EPS8: variants seen among roughly 807,000 people sequenced by gnomAD.
EPS8 encodes the protein EGFR pathway substrate 8, signaling adaptor, also known as epidermal growth factor receptor kinase substrate 8.
A neutral mutation model predicts 103.8 loss-of-function variants in EPS8; 42 were observed. That is an observed-to-expected ratio of 0.40 (90% CI 0.32 to 0.52). The LOEUF is 0.52. Ranked by LOEUF, EPS8 falls within the 20% of genes least tolerant of loss-of-function variation. The pLI, the probability that EPS8 is intolerant of heterozygous loss-of-function variation, is 0.40. For missense variants in EPS8, 969 were observed against 1,005.1 expected (o/e 0.96, Z 0.49); for synonymous variants, 344 against 344.6 (o/e 1.00, Z 0.02).
intron 7 of EPS8, among the ~76,000 whole-genome samples, 172 bp from the exon 8 acceptor site, chr12:15,666,064 A>G (rs1945703763): frequency 6.6e-6 from 1 of 152,260 alleles, no homozygotes; most frequent in East Asian, 1.9e-4. Flanking sequence ...ATGAAATAAA[A>G]AAATTAATAG....
At chr12:15,635,016 T>C (rs1311489265) in intron 17 of EPS8, among the ~76,000 whole-genome samples, 1 of 152,282 alleles carries the variant, frequency 6.6e-6, no homozygotes, top group Non-Finnish European at 1.5e-5. Context: ...CAACAGTAAC[T>C]ATTTGTATAT....
At chr12:15,703,020 G>A (rs1591874888) in intron 1 of EPS8, among the ~76,000 whole-genome samples, 1 of 152,150 alleles carries the variant, frequency 6.6e-6, no homozygotes, top group South Asian at 2.1e-4. Flanking sequence ...GCAGTGGCGT[G>A]TGCCTGTAGT....
chr12:15,724,297 C>A (rs1337834692), intron 1 of EPS8, among the ~76,000 whole-genome samples: 1 of 152,074 alleles, frequency 6.6e-6, no homozygotes, highest in Non-Finnish European at 1.5e-5. Context: ...TAAAGTTTAT[C>A]AAAGTTTTAT....
intron 1 of EPS8, among the ~76,000 whole-genome samples, chr12:15,703,174 TAAAG>T (rs1565508466): frequency 2.0e-5 from 3 of 152,054 alleles, no homozygotes; most frequent in African/African-American, 7.2e-5. Context: ...TAAAAATAAA[TAAAG>T]AAAAATAAGT....
intron 13 of EPS8, among the ~76,000 whole-genome samples, chr12:15,653,401 T>TA: frequency 6.6e-6 from 1 of 151,584 alleles, no homozygotes; most frequent in South Asian, 2.1e-4. Context: ...CATCTCTATA[T>TA]GCTCATCTCT....
chr12:15,633,542 C>T (rs556650734), intron 17 of EPS8, among the ~76,000 whole-genome samples: 2 of 152,166 alleles, frequency 1.3e-5, no homozygotes, highest in Non-Finnish European at 2.9e-5. Flanking sequence ...GTTACTGTCA[C>T]AATCAAGCCT....
Position 15,706,804 on chromosome 12 carries a change from C to G in EPS8, c.-21-23832G>C, listed in dbSNP as rs759876982. ...TTTTGTAATAAAATGACACAATTCT[C>G]CAACCTACTCTATTGTCTATGTGTA... On this transcript the variant is annotated intron_variant, in intron 1 of 20. Coordinates refer to ENST00000281172, the MANE Select transcript of EPS8 (RefSeq NM_004447.6). The surrounding 1 kb of genome is among the most constrained non-coding windows in gnomAD (Gnocchi z 5.2). Among the ~76,000 whole-genome samples the G allele has an allele frequency of 6.6e-6, 1 of 152,114 alleles. No individual in the cohort carries two copies. Among genetic ancestry groups the G allele is most frequent in the Non-Finnish European group, 1.5e-5 (1 of 68,024 alleles).
chr12:15,663,947 T>A (rs868646700), intron 8 of EPS8, among the ~76,000 whole-genome samples: 29 of 5,416 alleles, frequency 5.4e-3, no homozygotes, highest in African/African-American at 0.012. Flanking sequence ...AAAAAAAAAA[T>A]AATATATATA....
intron 1 of EPS8, among the ~76,000 whole-genome samples, chr12:15,741,377 G>A (rs1946821019): frequency 6.6e-6 from 1 of 152,120 alleles, no homozygotes; most frequent in African/African-American, 2.4e-5. Context: ...CACTTTAGGT[G>A]GGTGACTCAG....
chr12:15,643,649 G>GA (rs1225927273), intron 15 of EPS8, among the ~76,000 whole-genome samples: 1 of 148,466 alleles, frequency 6.7e-6, no homozygotes, highest in Admixed American at 6.9e-5. Context: ...TGAGGTGGCA[G>GA]AATCGCTTGA....
In EPS8 at chr12:15,706,584, A is replaced by G. The variant is rs1374549737; in HGVS notation, c.-21-23612T>C. Among the ~76,000 whole-genome samples the G allele has an allele frequency of 6.6e-6, 1 of 152,220 alleles. No homozygotes were observed. Among genetic ancestry groups the G allele is most frequent in the Admixed American group, 6.5e-5 (1 of 15,292 alleles). On this transcript the variant is annotated intron_variant, in intron 1 of 20. Transcript: ENST00000281172. The surrounding 1 kb of genome is among the most constrained non-coding windows in gnomAD (Gnocchi z 5.2). ...TTTGCTTAATATCTGCATTTCAAAA[A>G]TAAAGTACTAGCTGGTATACTTTCT...
chr12:15,734,006 A>AT lies in EPS8; in HGVS notation c.-21-51035dup, dbSNP rs559938800. ...CCCAAGTCAGTGAGACCCTCAGCTA[A>AT]TTTTTGTATTTTTTGTAGAGAAAGG... On this transcript the variant is annotated intron_variant, in intron 1 of 20. Transcript: ENST00000281172. This position sits in a 1 kb window ranked among gnomAD's most constrained non-coding sequence, Gnocchi z 4.1. 2.6e-5 allele frequency among the ~76,000 whole-genome samples: 4 copies of AT among 151,944 alleles called. No individual in the cohort carries two copies. In the South Asian group the frequency reaches 8.3e-4, roughly 32 times the overall value.
rs1379252608 is a variant in EPS8 at position 15,624,376 on chromosome 12, A to G, written c.2076T>C (p.Asp692=). The G allele has an allele frequency of 1.3e-6, 2 of 1,579,750 alleles. No homozygotes were observed. Among genetic ancestry groups the G allele is most frequent in the African/African-American group, 2.7e-5 (2 of 74,048 alleles). ...CAATGGTCAGTCTGTGGATGAGTTC[A>G]TCTTGCACTTCCTCCATCTGAGATT... The part of the protein sequence containing the change: ...RRKSQMEEVQ[D]ELIHRLTIGR... The change falls in exon 19 of 21, where the codon GAT becomes GAC. Residue 692 remains aspartate (D), a synonymous_variant. Transcript: ENST00000281172.
At chr12:15,673,619 G>T (rs1371638415) in intron 3 of EPS8, among the ~76,000 whole-genome samples, 1 of 152,124 alleles carries the variant, frequency 6.6e-6, no homozygotes, top group Non-Finnish European at 1.5e-5. Flanking sequence ...TTGGCTGCAT[G>T]TTGGAATGAA....
chr12:15,671,911 G>A (rs1482911217), intron 3 of EPS8: 1 of 152,052 alleles, frequency 6.6e-6, no homozygotes, highest in African/African-American at 2.4e-5. Context: ...ACTCTGAGAG[G>A]GAATTATAAG....
rs1368166264 is a variant in EPS8 at position 15,721,671 on chromosome 12, C to A, written c.-21-38699G>T. Among the ~76,000 whole-genome samples, 1 of 152,062 alleles carries A rather than the reference C, an allele frequency of 6.6e-6. No individual in the cohort carries two copies. The highest frequency in any genetic ancestry group is 1.5e-5 in the Non-Finnish European group (1 of 68,022). On this transcript the variant is annotated intron_variant, in intron 1 of 20. Coordinates refer to ENST00000281172, the MANE Select transcript of EPS8 (RefSeq NM_004447.6). This position sits in a 1 kb window ranked among gnomAD's most constrained non-coding sequence, Gnocchi z 4.4. ...CAATCTTGTTTGCCTTTGTCTTGCG[C>A]ATCAAGTTAAAAGGATTTTCCTGAA...
chr12:15,669,380 C>A lies in EPS8; in HGVS notation c.516+7G>T, dbSNP rs367646871. ...AAGAAGAAACAAAAATTTCACCATT[C>A]TTTTACCTTAACCTCATCACACTGG... On this transcript the variant is annotated splice_region_variant and intron_variant, in intron 6 of 20. Transcript: ENST00000281172. 1.3e-6 allele frequency: 2 copies of A among 1,591,814 alleles called. No homozygotes were observed. The highest frequency in any genetic ancestry group is 1.7e-6 in the Non-Finnish European group (2 of 1,172,792).
intron 1 of EPS8, chr12:15,683,866 TTTTGTC>T (rs1946049644): frequency 6.6e-6 from 1 of 152,216 alleles, no homozygotes; most frequent in African/African-American, 2.4e-5. Context: ...GTTTTCTGAA[TTTTGTC>T]TTTTCAAATA....
rs1946238931 is a variant in EPS8, at chr12:15,696,038, G to A, written c.-21-13066C>T. Among the ~76,000 whole-genome samples, 1 of 152,174 alleles carries A rather than the reference G, an allele frequency of 6.6e-6. No individual in the cohort carries two copies. Among genetic ancestry groups the A allele is most frequent in the Non-Finnish European group, 1.5e-5 (1 of 68,024 alleles). On this transcript the variant is annotated intron_variant, in intron 1 of 20. Coordinates refer to ENST00000281172, the MANE Select transcript of EPS8 (RefSeq NM_004447.6). The surrounding 1 kb of genome is among the most constrained non-coding windows in gnomAD (Gnocchi z 4.8). ...AGCTATGAACTTCTCAAAAGTATGG[G>A]ACTGAGAGATTCATTCTGAAAATGT...
Sources: allele counts gnomAD v4.1 joint callset (sites outside exome capture counted in the v4.1 genomes callset), GRCh38; gene constraint gnomAD v4.1.1; non-coding constraint Gnocchi (gnomAD v3.1); transcripts MANE v1.5; gene names NCBI Gene and HGNC (gene_info 2026-07-23, HGNC 2026-07-21).